The following COA8 variants were observed in gnomAD, a reference collection of about 807,000 sequenced individuals.
COA8 encodes the protein cytochrome c oxidase assembly factor 8.
A neutral mutation model predicts 22.0 loss-of-function variants in COA8; 20 were observed. The observed-to-expected ratio is 0.91, with a 90% CI of 0.64 to 1.32. The LOEUF is 1.32. COA8 is among the 40% of genes most tolerant of loss of function. The pLI is 0.00. For synonymous variants in COA8, 105 were observed against 79.9 expected (o/e 1.31, Z -1.68); for missense variants, 266 against 230.0 (o/e 1.16, Z -1.01).
chr14:103,574,043 A>C (rs2076209631), intron 2 of COA8, 64 bp from the exon 3 acceptor site: 1 of 1,513,588 alleles, frequency 6.6e-7, no homozygotes, highest in South Asian at 1.3e-5. Context: ...CTAGCCAAAG[A>C]AAAATGGAAA....
rs975797336 is a variant in COA8, at chr14:103,578,640, C to T, written c.385+4470C>T. 3.3e-5 allele frequency among the ~76,000 whole-genome samples: 5 copies of T among 152,266 alleles called. No homozygotes were observed. The South Asian group carries it at 6.2e-4, about 19-fold the overall frequency. ...GTTTTGCCTCTTTCCCTGAACTTAGCGGTAGGTTCGGTATTAAGCTGCAGT... is the reference window on the plus strand; with the variant it reads ...GTTTTGCCTCTTTCCCTGAACTTAGTGGTAGGTTCGGTATTAAGCTGCAGT... On this transcript the variant is annotated intron_variant, in intron 3 of 4. Coordinates refer to ENST00000409074, the MANE Select transcript of COA8 (RefSeq NM_001370595.2).
chr14:103,577,361 C>T (rs2076236926), intron 3 of COA8, among the ~76,000 whole-genome samples: 2 of 150,282 alleles, frequency 1.3e-5, no homozygotes, highest in South Asian at 4.5e-4. Flanking sequence ...CAGGCATGAG[C>T]CACCGCGCCC....
Position 103,590,230 on chromosome 14 carries a change from G to A in COA8, c.526G>A (p.Ala176Thr), listed in dbSNP as rs563991765. 6.2e-7 allele frequency: 1 copy of A among 1,614,126 alleles called. No individual in the cohort carries two copies. Among genetic ancestry groups the A allele is most frequent in the South Asian group, 1.1e-5 (1 of 91,086 alleles). Residue 176 changes from alanine to threonine, a missense_variant, in exon 5 of 5, where the codon GCC (alanine) becomes ACC (threonine). By Grantham distance (58) the Ala-to-Thr change is moderately conservative (BLOSUM62 0). Coordinates refer to ENST00000409074, the MANE Select transcript of COA8 (RefSeq NM_001370595.2). ...FAITFFMGKVALERIWNKLKQ... is the reference protein window; with the variant it reads ...FAITFFMGKVTLERIWNKLKQ... ...CATCACCTTCTTCATGGGAAAAGTG[G>A]CCCTGGAAAGGATTTGGAACAAGCT...
At position 103,585,764 on chromosome 14, in the gene COA8, C is replaced by T. The variant is rs1232626371; in HGVS notation, c.386-1510C>T. On this transcript the variant is annotated intron_variant, in intron 3 of 4. Transcript: ENST00000409074. Reference sequence around the variant, plus strand: ...CTAATTTTTGTACTTTTAGTAGAGACGGGGTTTCACCATGTTGGCCAGGAT... The same window carrying T: ...CTAATTTTTGTACTTTTAGTAGAGATGGGGTTTCACCATGTTGGCCAGGAT... 5.9e-5 allele frequency among the ~76,000 whole-genome samples: 9 copies of T among 151,682 alleles called. No homozygotes were observed. In the East Asian group the frequency reaches 7.9e-4, roughly 13 times the overall value.
intron 1 of COA8, among the ~76,000 whole-genome samples, 174 bp from the exon 2 acceptor site, chr14:103,571,449 G>T (rs181971905): frequency 6.6e-6 from 1 of 152,100 alleles, no homozygotes; most frequent in African/African-American, 2.4e-5. Flanking sequence ...ACTAGGCCCT[G>T]TGTGGTGGCT....
At chr14:103,587,600 T>C (rs1192414993) in intron 4 of COA8, among the ~76,000 whole-genome samples, 6 of 149,972 alleles carry the variant, frequency 4.0e-5, no homozygotes, top group Non-Finnish European at 7.4e-5. Flanking sequence ...CTCCGCCTCC[T>C]GGGTTCACGC....
In COA8 at chr14:103,571,806, T is replaced by A; in HGVS notation, c.307T>A (p.Leu103Met). The A allele has an allele frequency of 6.2e-7, 1 of 1,613,890 alleles. No individual in the cohort carries two copies. The highest frequency in any genetic ancestry group is 8.5e-7 in the Non-Finnish European group (1 of 1,179,982). The part of the protein sequence containing the change: ...WNQQFWANQN[L>M]TFSKEKEEFI... ...TCAACAGTTCTGGGCAAACCAGAAT[T>A]TGACTTTTAGTAAGGTAAGTTTAAG... Residue 103 changes from leucine (L) to methionine (M), a missense_variant, in exon 2 of 5, where the codon TTG becomes ATG. Coordinates refer to ENST00000409074, the MANE Select transcript of COA8 (RefSeq NM_001370595.2).
intron 4 of COA8, among the ~76,000 whole-genome samples, 159 bp from the exon 5 acceptor site, chr14:103,590,022 C>T (rs2076338726): frequency 6.6e-6 from 1 of 152,138 alleles, no homozygotes; most frequent in Non-Finnish European, 1.5e-5. Context: ...AGAGGCAGGC[C>T]TCTATGAATA....
rs2076211312 is a variant in COA8 at position 103,574,103 on chromosome 14, T to TTA, written c.322-4_322-3insTA. 1 of 1,484,222 alleles carries TTA rather than the reference T, an allele frequency of 6.7e-7. No homozygotes were observed. Among genetic ancestry groups the TTA allele is most frequent in the Non-Finnish European group, 9.0e-7 (1 of 1,115,542 alleles). The allele number at this position is 1,484,222 out of a possible 1,614,324, so 91.9% of individuals were successfully genotyped here. A position where few individuals can be genotyped will look rare whatever the true frequency, so the allele number is the denominator to read the frequency against. On this transcript the variant is annotated splice_region_variant and splice_polypyrimidine_tract_variant and intron_variant, in intron 2 of 4. Transcript: ENST00000409074. ...CTTTTTTTTTTTTTTTTTTTTTTTT[T>TTA]AAGGAAAAAGAAGAATTTATTCACT...
chr14:103,576,166 C>T lies in COA8; in HGVS notation c.385+1996C>T, dbSNP rs187951918. Among the ~76,000 whole-genome samples the T allele has an allele frequency of 3.3e-5, 5 of 152,216 alleles. No individual in the cohort carries two copies. The East Asian group carries it at 5.8e-4, about 18-fold the overall frequency. On this transcript the variant is annotated intron_variant, in intron 3 of 4. Transcript: ENST00000409074. ...ACTAAAAATACAAAAATTAGCTGGT[C>T]GTGGTGGCACTTGCCTGTAATCCCA... is the stretch of plus-strand genomic sequence containing the variant.
intron 3 of COA8, among the ~76,000 whole-genome samples, chr14:103,583,541 CAAAAA>C (rs35726464): frequency 1.9e-5 from 1 of 53,104 alleles, no homozygotes; most frequent in African/African-American, 7.5e-5. Flanking sequence ...GACTCGATCT[CAAAAA>C]AAAAAAAAAA....
intron 3 of COA8, among the ~76,000 whole-genome samples, chr14:103,575,644 C>T (rs985762806): frequency 2.0e-5 from 3 of 152,250 alleles, no homozygotes; most frequent in African/African-American, 7.2e-5. Context: ...AATTTAGATT[C>T]GTTCTCTCTG....
intron 1 of COA8, among the ~76,000 whole-genome samples, chr14:103,565,085 A>G (rs572480765): frequency 2.0e-5 from 3 of 152,002 alleles, no homozygotes; most frequent in Admixed American, 1.3e-4. Context: ...TCCTGAGTAT[A>G]GCTGGGATCA....
Position 103,574,224 on chromosome 14 carries a change from C to T in COA8, c.385+54C>T, listed in dbSNP as rs752643761. The T allele has an allele frequency of 7.5e-6, 12 of 1,605,762 alleles. No individual in the cohort carries two copies. The East Asian group carries it at 2.5e-4, about 33-fold the overall frequency. The stretch of plus-strand genomic sequence containing the variant: ...TGCTTTCTTTGCGTTTGAGCTAGTC[C>T]ATGAAAAGGGAAAGGAAGGGCGGTG... On this transcript the variant is annotated intron_variant, in intron 3 of 4. Coordinates refer to ENST00000409074, the MANE Select transcript of COA8 (RefSeq NM_001370595.2).
At chr14:103,589,406 C>T (rs1349048184) in intron 4 of COA8, among the ~76,000 whole-genome samples, 3 of 152,064 alleles carry the variant, frequency 2.0e-5, no homozygotes, top group Admixed American at 6.6e-5. Flanking sequence ...CCAGAGTGGT[C>T]GTGGCCCATC....
intron 3 of COA8, among the ~76,000 whole-genome samples, chr14:103,586,206 T>TTTTTTTTG (rs2076305777): frequency 7.1e-6 from 1 of 140,594 alleles, no homozygotes; most frequent in African/African-American, 2.8e-5. Context: ...TGGCCTTTTT[T>TTTTTTTTG]TTTTTTTTTT....
At chr14:103,584,758 TGGTGTTGA>T (rs2076293114) in intron 3 of COA8, among the ~76,000 whole-genome samples, 1 of 152,160 alleles carries the variant, frequency 6.6e-6, no homozygotes, top group South Asian at 2.1e-4. Context: ...TGATTTCCCG[TGGTGTTGA>T]GCATCTTGTC....
intron 3 of COA8, among the ~76,000 whole-genome samples, chr14:103,577,713 T>C (rs1041484783): frequency 6.6e-6 from 1 of 151,090 alleles, no homozygotes. Context: ...ACCCTTTGTC[T>C]ACAAAAAATT....
intron 4 of COA8, 25 bp downstream of exon 4, chr14:103,587,389 A>G: frequency 6.6e-7 from 1 of 1,524,222 alleles, no homozygotes; most frequent in Non-Finnish European, 9.0e-7. Flanking sequence ...TTTTCCTGAA[A>G]ATTTGAATAG....
Sources: gnomAD v4.1 joint callset for allele counts (sites outside exome capture counted in the v4.1 genomes callset) on GRCh38, gnomAD v4.1.1 for gene constraint, MANE v1.5 for transcripts, NCBI Gene and HGNC (gene_info 2026-07-23, HGNC 2026-07-21) for gene names.